MUC5AC: variants seen among roughly 807,000 people sequenced by gnomAD.
MUC5AC encodes mucin 5AC, oligomeric mucus/gel-forming, also known as mucin-5AC.
Under a neutral mutation model 169.7 loss-of-function variants are expected in MUC5AC, and 158 were observed. That is an observed-to-expected ratio of 0.93 (90% CI 0.82 to 1.06). The LOEUF (loss-of-function observed/expected upper bound fraction) is 1.06, where lower values mean the gene tolerates loss of function less well. MUC5AC is among the 50% of genes least tolerant of loss of function. The pLI, the probability that MUC5AC is intolerant of heterozygous loss-of-function variation, is 0.00. For synonymous variants in MUC5AC, 1,975 were observed against 1,237.0 expected (o/e 1.60, Z -12.52); for missense variants, 4,359 against 3,089.9 (o/e 1.41, Z -9.74).
Position 1,176,628 on chromosome 11 carries a change from C to T in MUC5AC, c.2617C>T (p.Arg873Trp), listed in dbSNP as rs1191408293. The T allele has an allele frequency of 1.5e-5, 6 of 398,652 alleles. No homozygotes were observed. The highest frequency in any genetic ancestry group is 2.5e-4 in the South Asian group (2 of 7,874). The allele number at this position is 398,652 out of a possible 1,614,324, so 24.7% of individuals were successfully genotyped here. Residue 873 changes from arginine to tryptophan, a missense_variant, in exon 21 of 49, where the codon CGG (arginine) becomes TGG (tryptophan). Physicochemically the swap from Arg to Trp is moderately radical, Grantham distance 101. Transcript: ENST00000621226. ...CPCVHNEASY[R>W]AGQTIRVGCN... Reference sequence around the variant, plus strand: ...CTGCGTGCACAATGAGGCCAGCTACCGGGCCGGCCAGACCATCCGGGTGGG... The same window carrying T: ...CTGCGTGCACAATGAGGCCAGCTACTGGGCCGGCCAGACCATCCGGGTGGG...
At chr11:1,194,715 C>CG in intron 35 of MUC5AC, 45 bp downstream of exon 35, 1 of 708,808 alleles carries the variant, frequency 1.4e-6, no homozygotes, top group Non-Finnish European at 2.6e-6. Flanking sequence ...TTCGCGGGGG[C>CG]GGGGGTGCCG....
At chr11:1,169,109 C>A (rs1432409156) in intron 15 of MUC5AC, 83 bp downstream of exon 15, 1 of 1,454,610 alleles carries the variant, frequency 6.9e-7, no homozygotes, top group African/African-American at 1.4e-5. Context: ...GGCAGCGAGG[C>A]CGGCCCTGCG....
At position 1,186,140 on chromosome 11, in the gene MUC5AC, C is replaced by T. The variant is rs1860938169; in HGVS notation, c.7995C>T (p.Thr2665=). ...GPGTTPSPVP[T]TSTISVPTTS... ...GAACTACTCCCAGCCCTGTTCCTAC[C>T]ACCAGCACAATCTCTGTTCCTACCA... The change falls in exon 31 of 49, where the codon ACC becomes ACT. Residue 2665 remains threonine (T), a synonymous_variant. Transcript: ENST00000621226. 1.3e-6 allele frequency: 1 copy of T among 745,064 alleles called. No homozygotes were observed. The highest frequency in any genetic ancestry group is 2.5e-6 in the Non-Finnish European group (1 of 407,294). 46.2% of individuals were successfully genotyped at this position (745,064 alleles called of 1,614,324 possible).
rs773564635 is a variant in MUC5AC at position 1,198,991 on chromosome 11, C to G, written c.16291C>G (p.Pro5431Ala). 5.5e-5 allele frequency: 42 copies of G among 764,258 alleles called. No homozygotes were observed. Among genetic ancestry groups the G allele is most frequent in the Non-Finnish European group, 1.7e-5 (7 of 417,664 alleles). 47.3% of individuals were successfully genotyped at this position (764,258 alleles called of 1,614,324 possible). A position where few individuals can be genotyped will look rare whatever the true frequency, so the allele number is the denominator to read the frequency against. The part of the protein sequence containing the change: ...CETQICNTHC[P>A]VGFEYQEQSG... ...GACCCAGATCTGCAACACACACTGC[C>G]CTGTGGTGAGCGCTCCCACCCTGCC... Residue 5431 changes from proline to alanine, a missense_variant, in exon 44 of 49, where the codon CCT becomes GCT. By Grantham distance (27) the Pro-to-Ala change is conservative (BLOSUM62 -1). Transcript: ENST00000621226.
rs1861004765 is a variant in MUC5AC at position 1,188,368 on chromosome 11, C to T, written c.10223C>T (p.Ser3408Phe). 2 of 639,228 alleles carry T rather than the reference C, an allele frequency of 3.1e-6. No homozygotes were observed. The highest frequency in any genetic ancestry group is 2.7e-5 in the East Asian group (1 of 37,118). 39.6% of individuals were successfully genotyped at this position (639,228 alleles called of 1,614,324 possible). A position where few individuals can be genotyped will look rare whatever the true frequency, so the allele number is the denominator to read the frequency against. Residue 3408 changes from serine to phenylalanine, a missense_variant, in exon 31 of 49, where the codon TCT becomes TTT. Transcript: ENST00000621226. Reference protein sequence around the residue: ...TTSTPQTSISSAPTSSTTSAP... With the variant: ...TTSTPQTSISFAPTSSTTSAP... Reference sequence around the variant, plus strand: ...TCCACTCCACAGACCAGCATATCCTCTGCCCCTACAAGCAGCACAACCTCG... The same window carrying T: ...TCCACTCCACAGACCAGCATATCCTTTGCCCCTACAAGCAGCACAACCTCG...
intron 27 of MUC5AC, 90 bp downstream of exon 27, chr11:1,180,240 C>T: frequency 2.5e-6 from 1 of 398,582 alleles, no homozygotes; most frequent in Non-Finnish European, 4.4e-6. Flanking sequence ...CCCCAGCTTC[C>T]AGCACATTCT....
chr11:1,200,801 C>T lies in MUC5AC; in HGVS notation c.*99C>T. On this transcript the variant is annotated 3_prime_UTR_variant, in exon 49 of 49. Transcript: ENST00000621226. ...GGAACTTGTGCCCCTGTCCAGGCGG[C>T]TGCAGCTTTGAACACACTGTCCACG... 1.5e-6 allele frequency: 1 copy of T among 660,748 alleles called. No individual in the cohort carries two copies. The allele number at this position is 660,748 out of a possible 1,614,324, so 40.9% of individuals were successfully genotyped here. A position where few individuals can be genotyped will look rare whatever the true frequency, so the allele number is the denominator to read the frequency against.
At position 1,178,620 on chromosome 11, in the gene MUC5AC, G is replaced by C; in HGVS notation, c.3264G>C (p.Lys1088Asn). 1.4e-6 allele frequency: 2 copies of C among 1,405,786 alleles called. No homozygotes were observed. The highest frequency in any genetic ancestry group is 1.9e-6 in the Non-Finnish European group (2 of 1,069,560). The allele number at this position is 1,405,786 out of a possible 1,614,324, so 87.1% of individuals were successfully genotyped here. A position where few individuals can be genotyped will look rare whatever the true frequency, so the allele number is the denominator to read the frequency against. The change falls in exon 25 of 49, where the codon AAG becomes AAC. Residue 1088 changes from lysine (K) to asparagine (N), a missense_variant. Transcript: ENST00000621226. ...KDPCTANPFR[K>N]SWAQKQCSIL... ...CCTGCACGGCCAACCCCTTCCGCAA[G>C]TCCTGGGCCCAGAAGCAGTGCAGCA...
chr11:1,171,279 C>CAACTT (rs1860517132), intron 15 of MUC5AC, among the ~76,000 whole-genome samples: 1 of 143,708 alleles, frequency 7.0e-6, no homozygotes. Context: ...CTCACCCACT[C>CAACTT]ACTCACCCAT....
In MUC5AC at chr11:1,177,644, G is replaced by C. The variant is rs1289624521; in HGVS notation, c.3087+11G>C. The C allele has an allele frequency of 2.5e-6, 1 of 398,564 alleles. No individual in the cohort carries two copies. Among genetic ancestry groups the C allele is most frequent in the Admixed American group, 4.4e-5 (1 of 22,712 alleles). The allele number at this position is 398,564 out of a possible 1,614,324, so 24.7% of individuals were successfully genotyped here. Reference sequence around the variant, plus strand: ...AGCCCCGAGTTCAAGGTGAGACCACGCCCCTCGTCCAGGCCAGGGCCGGCT... The same window carrying C: ...AGCCCCGAGTTCAAGGTGAGACCACCCCCCTCGTCCAGGCCAGGGCCGGCT... On this transcript the variant is annotated intron_variant, in intron 24 of 48. Transcript: ENST00000621226.
At chr11:1,162,346 C>T (rs1860168331) in intron 4 of MUC5AC, among the ~76,000 whole-genome samples, 178 bp downstream of exon 4, 1 of 152,162 alleles carries the variant, frequency 6.6e-6, no homozygotes, top group South Asian at 2.1e-4. Flanking sequence ...TCCTGGGATC[C>T]CCAGGCTCTT....
At chr11:1,159,873 T>G (rs1355481831) in intron 1 of MUC5AC, among the ~76,000 whole-genome samples, 3 of 88,078 alleles carry the variant, frequency 3.4e-5, no homozygotes, top group Non-Finnish European at 6.6e-5. Flanking sequence ...TGGGGCTGTG[T>G]GGGGCTGTGT....
rs1157994821 is a variant in MUC5AC, at chr11:1,161,525, AGGGGTCCCGCTCCGT to A, written c.155_169del (p.Val52_Gly56del). ...GAATCCTACCAGCCCCTGTCTCCGCAGGGGTCCCGCTCCGTGGGGCGACTGTCTTCCCATCTCTGA... is the reference window on the plus strand; with the variant it reads ...GAATCCTACCAGCCCCTGTCTCCGCAGGGGCGACTGTCTTCCCATCTCTGA... On this transcript the variant is annotated splice_acceptor_variant and coding_sequence_variant, in exon 3 of 49. Coordinates refer to ENST00000621226, the MANE Select transcript of MUC5AC (RefSeq NM_001304359.2). LOFTEE classifies it high-confidence loss of function. The A allele has an allele frequency of 6.3e-7, 1 of 1,597,654 alleles. No homozygotes were observed. The highest frequency in any genetic ancestry group is 2.3e-5 in the East Asian group (1 of 44,428).
chr11:1,179,307 A>T, intron 26 of MUC5AC, 59 bp downstream of exon 26: 1 of 484,654 alleles, frequency 2.1e-6, no homozygotes, highest in Non-Finnish European at 3.6e-6. Flanking sequence ...GTGCCCCACC[A>T]CACTCGCCGC....
chr11:1,194,688 C>T lies in MUC5AC; in HGVS notation c.15190+18C>T, dbSNP rs761402620. 15 of 733,954 alleles carry T rather than the reference C, an allele frequency of 2.0e-5. No homozygotes were observed. Among genetic ancestry groups the T allele is most frequent in the Non-Finnish European group, 3.8e-5 (15 of 399,764 alleles). 45.5% of individuals were successfully genotyped at this position (733,954 alleles called of 1,614,324 possible). A position where few individuals can be genotyped will look rare whatever the true frequency, so the allele number is the denominator to read the frequency against. ...CCAGTGCGGTGAGGCCACAGGGCTC[C>T]CGGGCATCGTCTGGCATTCGCGGGG... On this transcript the variant is annotated intron_variant, in intron 35 of 48. Transcript: ENST00000621226.
intron 1 of MUC5AC, among the ~76,000 whole-genome samples, 200 bp downstream of exon 1, chr11:1,158,272 G>T (rs118072449): frequency 1.3e-5 from 2 of 152,204 alleles, no homozygotes; most frequent in African/African-American, 4.8e-5. Flanking sequence ...TCTGGGCTTC[G>T]CGGACCTCTG....
At chr11:1,173,969 A>C (rs1860616075) in intron 16 of MUC5AC, among the ~76,000 whole-genome samples, 1 of 151,544 alleles carries the variant, frequency 6.6e-6, no homozygotes, top group East Asian at 1.9e-4. Flanking sequence ...TCATTCACTC[A>C]TTTACTCACT....
At position 1,191,785 on chromosome 11, in the gene MUC5AC, C is replaced by T; in HGVS notation, c.13640C>T (p.Pro4547Leu). The T allele has an allele frequency of 2.9e-5, 22 of 762,668 alleles. 1 individual carries two copies. The highest frequency in any genetic ancestry group is 2.3e-4 in the Middle Eastern group (1 of 4,440). 47.2% of individuals were successfully genotyped at this position (762,668 alleles called of 1,614,324 possible). A position where few individuals can be genotyped will look rare whatever the true frequency, so the allele number is the denominator to read the frequency against. Residue 4547 changes from proline to leucine, a missense_variant, in exon 31 of 49, where the codon CCT becomes CTT. Coordinates refer to ENST00000621226, the MANE Select transcript of MUC5AC (RefSeq NM_001304359.2). ...TCTGGTCCTGGAACTTCTCTCAGCC[C>T]TGTTCCCACCACGAGCACAACCTCT... ...TTSGPGTSLSPVPTTSTTSAP... is the reference protein window; with the variant it reads ...TTSGPGTSLSLVPTTSTTSAP...
intron 26 of MUC5AC, among the ~76,000 whole-genome samples, 195 bp downstream of exon 26, chr11:1,179,443 T>TCTG (rs1860760837): frequency 6.8e-6 from 1 of 146,700 alleles, no homozygotes; most frequent in Non-Finnish European, 1.5e-5. Context: ...GGCAGAGGGG[T>TCTG]CAGCAGAGCT....
Sources: allele counts gnomAD v4.1 joint callset (sites outside exome capture counted in the v4.1 genomes callset), GRCh38; gene constraint gnomAD v4.1.1; transcripts MANE v1.5; gene names NCBI Gene and HGNC (gene_info 2026-07-23, HGNC 2026-07-21).